Variants in KCNQ1 observed in about 807,000 individuals in gnomAD.
The protein encoded by KCNQ1 is potassium voltage-gated channel subfamily Q member 1.
In KCNQ1, 49 loss-of-function variants were observed where a neutral mutation model predicts 72.4. That is an observed-to-expected ratio of 0.68 (90% CI 0.54 to 0.86). The LOEUF is 0.86. Ranked by LOEUF, KCNQ1 falls within the 40% of genes least tolerant of loss-of-function variation. The probability of loss-of-function intolerance (pLI) is 0.00; values close to 1 mark genes in which losing one functional copy is unlikely to be tolerated. For synonymous variants in KCNQ1, 450 were observed against 412.6 expected (o/e 1.09, Z -1.10); for missense variants, 790 against 945.1 (o/e 0.84, Z 2.15).
In KCNQ1 at chr11:2,508,453, G is replaced by C. The variant is rs1016270736; in HGVS notation, c.387-19475G>C. On this transcript the variant is annotated intron_variant, in intron 1 of 15. Coordinates refer to ENST00000155840, the MANE Select transcript of KCNQ1 (RefSeq NM_000218.3). This position sits in a 1 kb window ranked among gnomAD's most constrained non-coding sequence, Gnocchi z 6.2. ...ACAGCTCCCGAGGCCTGGCTGCTCT[G>C]CATGGGGAGGAGTGTGGGTCCTGAG... 1.3e-5 allele frequency among the ~76,000 whole-genome samples: 2 copies of C among 152,152 alleles called. No homozygotes were observed. Among genetic ancestry groups the C allele is most frequent in the African/African-American group, 4.8e-5 (2 of 41,440 alleles).
rs890576911 is a variant in KCNQ1 at position 2,680,172 on chromosome 11, G to T, written c.1514+18091G>T. 1.3e-5 allele frequency: 5 copies of T among 394,676 alleles called. No individual in the cohort carries two copies. The Admixed American group carries it at 1.8e-4, about 14-fold the overall frequency. 24.4% of individuals were successfully genotyped at this position (394,676 alleles called of 1,614,324 possible). The stretch of plus-strand genomic sequence containing the variant: ...CTCCTAAAGTGCTGGGATTACGGGC[G>T]TGAGCCAATGCACCTGGCCTCAGCT... On this transcript the variant is annotated intron_variant, in intron 11 of 15. Transcript: ENST00000155840.
intron 11 of KCNQ1, among the ~76,000 whole-genome samples, chr11:2,741,093 C>G (rs1846042044): frequency 6.6e-6 from 1 of 152,180 alleles, no homozygotes. Context: ...CCTGCAGCCC[C>G]TGCTTGGACA....
rs1409383944 is a variant in KCNQ1, at chr11:2,547,030, C to T, written c.477+19012C>T. Among the ~76,000 whole-genome samples the T allele has an allele frequency of 6.6e-6, 1 of 152,168 alleles. No individual in the cohort carries two copies. Among genetic ancestry groups the T allele is most frequent in the African/African-American group, 2.4e-5 (1 of 41,448 alleles). On this transcript the variant is annotated intron_variant, in intron 2 of 15. Coordinates refer to ENST00000155840, the MANE Select transcript of KCNQ1 (RefSeq NM_000218.3). The surrounding 1 kb of genome is among the most constrained non-coding windows in gnomAD (Gnocchi z 4.2). ...TTTCATATGAAGCATATAGTTGAGT[C>T]TTATTTTGTGAGTCAAACTATTTTT...
At chr11:2,791,364 A>G (rs1301738446) in intron 15 of KCNQ1, among the ~76,000 whole-genome samples, 5 of 152,174 alleles carry the variant, frequency 3.3e-5, no homozygotes, top group East Asian at 1.9e-4. Flanking sequence ...CTGTGCGGCA[A>G]ACCCTGCCTG....
rs1050018786 is a variant in KCNQ1, at chr11:2,785,586, G to C, written c.1794+7549G>C. Among the ~76,000 whole-genome samples, 1 of 151,510 alleles carries C rather than the reference G, an allele frequency of 6.6e-6. No individual in the cohort carries two copies. The highest frequency in any genetic ancestry group is 2.1e-4 in the South Asian group (1 of 4,812). On this transcript the variant is annotated intron_variant, in intron 15 of 15. Coordinates refer to ENST00000155840, the MANE Select transcript of KCNQ1 (RefSeq NM_000218.3). This position sits in a 1 kb window ranked among gnomAD's most constrained non-coding sequence, Gnocchi z 4.4. ...TGTCTTTTGTAAACACTGTATTACTGAGTTTTTAAAAAATCATTTAATACA... is the reference window on the plus strand; with the variant it reads ...TGTCTTTTGTAAACACTGTATTACTCAGTTTTTAAAAAATCATTTAATACA...
At position 2,458,433 on chromosome 11, in the gene KCNQ1, C is replaced by A. The variant is rs1459573164; in HGVS notation, c.386+12949C>A. Among the ~76,000 whole-genome samples the A allele has an allele frequency of 6.6e-6, 1 of 152,166 alleles. No individual in the cohort carries two copies. Among genetic ancestry groups the A allele is most frequent in the Non-Finnish European group, 1.5e-5 (1 of 68,040 alleles). On this transcript the variant is annotated intron_variant, in intron 1 of 15. Transcript: ENST00000155840. The surrounding 1 kb of genome is among the most constrained non-coding windows in gnomAD (Gnocchi z 4.6). The stretch of plus-strand genomic sequence containing the variant: ...CCTGTGAACTGTAACTCGGGGAAAC[C>A]CAGTAGCTGATGGGGTTGCGTCCTT...
intron 2 of KCNQ1, among the ~76,000 whole-genome samples, chr11:2,540,172 G>A (rs1847801997): frequency 6.6e-6 from 1 of 152,160 alleles, no homozygotes; most frequent in Admixed American, 6.5e-5. Flanking sequence ...GTAGCCTGAG[G>A]TCTCCTCTGA....
intron 11 of KCNQ1, among the ~76,000 whole-genome samples, chr11:2,733,871 G>T (rs1845908401): frequency 1.7e-5 from 1 of 58,240 alleles, no homozygotes; most frequent in Non-Finnish European, 3.2e-5. Flanking sequence ...CCCCACTTCA[G>T]GGCCTTCGCG....
chr11:2,836,135 T>C (rs1359106518), intron 15 of KCNQ1, among the ~76,000 whole-genome samples: 2 of 151,378 alleles, frequency 1.3e-5, no homozygotes, highest in African/African-American at 4.9e-5. Flanking sequence ...GGCAGATGGG[T>C]GGAAGAGTTG....
At chr11:2,522,816 C>T (rs1365619830) in intron 1 of KCNQ1, among the ~76,000 whole-genome samples, 4 of 152,212 alleles carry the variant, frequency 2.6e-5, no homozygotes, top group African/African-American at 4.8e-5. Context: ...GCCTCAGCCG[C>T]GATTCCACTG....
intron 11 of KCNQ1, chr11:2,686,101 T>A (rs1323122967): frequency 1.3e-5 from 5 of 398,770 alleles, no homozygotes; most frequent in Non-Finnish European, 2.2e-5. Flanking sequence ...CCTGAGTTGA[T>A]GGCAAAGTGT....
chr11:2,697,051 G>A, intron 11 of KCNQ1: 1 of 398,398 alleles, frequency 2.5e-6, no homozygotes, highest in Non-Finnish European at 4.4e-6. Context: ...TTCAGGAAAG[G>A]TCAAAAACAT....
chr11:2,741,762 C>T (rs950878913), intron 11 of KCNQ1, among the ~76,000 whole-genome samples: 81 of 152,250 alleles, frequency 5.3e-4, no homozygotes, highest in Non-Finnish European at 1.5e-4. Flanking sequence ...GGGGCAGCTG[C>T]GGGCGCGCAG....
At chr11:2,504,642 A>G (rs1479264555) in intron 1 of KCNQ1, among the ~76,000 whole-genome samples, 1 of 152,172 alleles carries the variant, frequency 6.6e-6, no homozygotes, top group African/African-American at 2.4e-5. Flanking sequence ...CTGTAATCCC[A>G]GCTACTTGGG....
chr11:2,466,989 G>A (rs1846361377), intron 1 of KCNQ1, among the ~76,000 whole-genome samples: 1 of 152,232 alleles, frequency 6.6e-6, no homozygotes, highest in Admixed American at 6.5e-5. Context: ...GGGTTTGTGG[G>A]CAGCTGGGCT....
At chr11:2,806,604 GA>G in intron 15 of KCNQ1, among the ~76,000 whole-genome samples, 1 of 152,180 alleles carries the variant, frequency 6.6e-6, no homozygotes, top group African/African-American at 2.4e-5. Context: ...GCTTTCCGAG[GA>G]GGCTGCAGGT....
At chr11:2,847,740 C>T in intron 15 of KCNQ1, 27 bp from the exon 16 acceptor site, 2 of 1,564,020 alleles carry the variant, frequency 1.3e-6, no homozygotes, top group Non-Finnish European at 1.7e-6. Context: ...CCACCACTGA[C>T]TCTCTCGTCT....
chr11:2,550,446 A>G lies in KCNQ1; in HGVS notation c.478-20182A>G, dbSNP rs1252695145. Among the ~76,000 whole-genome samples, 2 of 152,146 alleles carry G rather than the reference A, an allele frequency of 1.3e-5. No individual in the cohort carries two copies. Among genetic ancestry groups the G allele is most frequent in the Non-Finnish European group, 2.9e-5 (2 of 68,002 alleles). On this transcript the variant is annotated intron_variant, in intron 2 of 15. Transcript: ENST00000155840. This position sits in a 1 kb window ranked among gnomAD's most constrained non-coding sequence, Gnocchi z 6.0. ...GAGCGTCGCAGTGGCCCAGACACCC[A>G]TGTTCCTCCCTAGGCAGCTCCATGC... is the stretch of plus-strand genomic sequence containing the variant.
At chr11:2,841,257 A>AG (rs1489069044) in intron 15 of KCNQ1, among the ~76,000 whole-genome samples, 1 of 152,136 alleles carries the variant, frequency 6.6e-6, no homozygotes. Context: ...AGTGCCGGAG[A>AG]GGGGCCAGCG....
Sources: gnomAD v4.1 joint callset for allele counts (sites outside exome capture counted in the v4.1 genomes callset) on GRCh38, gnomAD v4.1.1 for gene constraint, Gnocchi (gnomAD v3.1) non-coding constraint, MANE v1.5 for transcripts, NCBI Gene and HGNC (gene_info 2026-07-23, HGNC 2026-07-21) for gene names.